The following GLIPR2 variants were observed in gnomAD, a reference collection of about 807,000 sequenced individuals.
The protein encoded by GLIPR2 is Golgi-associated plant pathogenesis-related protein 1.
GLIPR2 carries 21 observed loss-of-function variants against 20.4 expected under a neutral mutation model. The observed-to-expected ratio is 1.03, with a 90% CI of 0.73 to 1.48. The LOEUF (loss-of-function observed/expected upper bound fraction) is 1.48, where lower values mean the gene tolerates loss of function less well. Ranked by LOEUF, GLIPR2 falls within the 40% of genes most tolerant of loss-of-function variation. GLIPR2 has a pLI of 0.00. For missense variants in GLIPR2, 205 were observed against 200.1 expected, an observed-to-expected ratio of 1.02 and a Z score of -0.15; for synonymous variants, 91 against 80.5, an observed-to-expected ratio of 1.13 and a Z score of -0.70.
At chr9:36,137,769 T>G (rs1824891893) in intron 1 of GLIPR2, among the ~76,000 whole-genome samples, 1 of 152,246 alleles carries the variant, frequency 6.6e-6, no homozygotes, top group African/African-American at 2.4e-5. Context: ...TTGAACAGGA[T>G]TCAGAAGTCC....
At chr9:36,141,447 C>CT (rs1825074468) in intron 1 of GLIPR2, among the ~76,000 whole-genome samples, 1 of 71,198 alleles carries the variant, frequency 1.4e-5, no homozygotes, top group Non-Finnish European at 2.9e-5. Context: ...GCTTTCCAGC[C>CT]TTTTGCCAAG....
rs745346896 is a variant in GLIPR2 at position 36,147,913 on chromosome 9, C to T, written c.122+19C>T. The T allele has an allele frequency of 2.4e-5, 28 of 1,148,884 alleles. No homozygotes were observed. The Admixed American group carries it at 4.4e-4, about 18-fold the overall frequency. The allele number at this position is 1,148,884 out of a possible 1,614,324, so 71.2% of individuals were successfully genotyped here. ...CTCAACAGTGAGTCCCCTAGCACAT[C>T]CGGGTAACTTGGCCCTTCATGTGCT... On this transcript the variant is annotated intron_variant, in intron 2 of 4. Coordinates refer to ENST00000377960, the MANE Select transcript of GLIPR2 (RefSeq NM_022343.4).
intron 1 of GLIPR2, among the ~76,000 whole-genome samples, chr9:36,143,042 A>C (rs377145744): frequency 6.6e-6 from 1 of 151,966 alleles, no homozygotes; most frequent in East Asian, 1.9e-4. Context: ...CTGGGCATTG[A>C]GCTTTGCTTG....
At position 36,162,741 on chromosome 9, in the gene GLIPR2, T is replaced by A; in HGVS notation, c.*219T>A. 14 of 504,796 alleles carry A rather than the reference T, an allele frequency of 2.8e-5. No individual in the cohort carries two copies. Among genetic ancestry groups the A allele is most frequent in the East Asian group, 8.6e-5 (2 of 23,320 alleles). The allele number at this position is 504,796 out of a possible 1,614,324, so 31.3% of individuals were successfully genotyped here. ...GGAAGCATTTACCCCGATGGTTACC[T>A]AGACCACGATTATTTGGATTGGGGG... On this transcript the variant is annotated 3_prime_UTR_variant, in exon 5 of 5. Coordinates refer to ENST00000377960, the MANE Select transcript of GLIPR2 (RefSeq NM_022343.4).
chr9:36,141,348 T>C (rs1399456486), intron 1 of GLIPR2, among the ~76,000 whole-genome samples: 1 of 151,930 alleles, frequency 6.6e-6, no homozygotes, highest in African/African-American at 2.4e-5. Flanking sequence ...ATTCATTCTT[T>C]TTTTTTTTTT....
intron 3 of GLIPR2, 110 bp from the exon 4 acceptor site, chr9:36,150,762 A>T: frequency 1.4e-6 from 1 of 735,288 alleles, no homozygotes; most frequent in South Asian, 1.7e-5. Context: ...GGGCTTTCTC[A>T]GATGTCTAAT....
At chr9:36,145,701 G>GGAT (rs1329218323) in intron 1 of GLIPR2, among the ~76,000 whole-genome samples, 4 of 151,898 alleles carry the variant, frequency 2.6e-5, no homozygotes, top group African/African-American at 9.7e-5. Flanking sequence ...TTGGATGGAT[G>GGAT]GATGGAGGAT....
Position 36,162,539 on chromosome 9 carries a change from G to C in GLIPR2, c.*17G>C. ...AAGAAGTAACTTGTTAAATGTAATG[G>C]GAAGGTGGCAGACTTAAGAACGTGG... On this transcript the variant is annotated 3_prime_UTR_variant, in exon 5 of 5. Coordinates refer to ENST00000377960, the MANE Select transcript of GLIPR2 (RefSeq NM_022343.4). 6.2e-7 allele frequency: 1 copy of C among 1,613,614 alleles called. No individual in the cohort carries two copies. Among genetic ancestry groups the C allele is most frequent in the Non-Finnish European group, 8.5e-7 (1 of 1,179,714 alleles).
At chr9:36,160,302 C>T (rs770260280) in intron 4 of GLIPR2, among the ~76,000 whole-genome samples, 3 of 152,140 alleles carry the variant, frequency 2.0e-5, no homozygotes, top group Non-Finnish European at 4.4e-5. Flanking sequence ...GCATTGCAGG[C>T]GTGAGTCACG....
At chr9:36,142,761 G>A (rs1291422449) in intron 1 of GLIPR2, among the ~76,000 whole-genome samples, 1 of 145,794 alleles carries the variant, frequency 6.9e-6, no homozygotes, top group East Asian at 2.0e-4. Context: ...GGGGTAGGGT[G>A]TGCTTCTTGC....
chr9:36,157,321 C>G (rs2132779392), intron 4 of GLIPR2, among the ~76,000 whole-genome samples: 1 of 151,218 alleles, frequency 6.6e-6, no homozygotes, highest in Non-Finnish European at 1.5e-5. Context: ...ATCCACCACA[C>G]CCAGTCTCTT....
chr9:36,144,537 G>T (rs186375985), intron 1 of GLIPR2: 2 of 152,252 alleles, frequency 1.3e-5, no homozygotes, highest in Non-Finnish European at 2.9e-5. Context: ...CGATACTTCA[G>T]GTTGTAGCTC....
rs1404365283 is a variant in GLIPR2, at chr9:36,162,486, C to T, written c.429C>T (p.Gly143=). The T allele has an allele frequency of 1.2e-6, 2 of 1,614,090 alleles. No homozygotes were observed. The highest frequency in any genetic ancestry group is 1.7e-6 in the Non-Finnish European group (2 of 1,180,046). The change falls in exon 5 of 5, where the codon GGC becomes GGT. Residue 143 remains glycine (G), a synonymous_variant. Coordinates refer to ENST00000377960, the MANE Select transcript of GLIPR2 (RefSeq NM_022343.4). ...YFPAGNVVNE[G]FFEENVLPPK... is the part of the protein sequence containing the mutation. Reference sequence around the variant, plus strand: ...CAGCGGGGAATGTTGTCAATGAGGGCTTCTTCGAAGAAAACGTCCTGCCGC... The same window carrying T: ...CAGCGGGGAATGTTGTCAATGAGGGTTTCTTCGAAGAAAACGTCCTGCCGC...
chr9:36,142,609 C>G (rs980178144), intron 1 of GLIPR2, among the ~76,000 whole-genome samples: 2 of 152,138 alleles, frequency 1.3e-5, no homozygotes, highest in Non-Finnish European at 2.9e-5. Flanking sequence ...GTTTACCCTC[C>G]TACAAAATAA....
intron 4 of GLIPR2, among the ~76,000 whole-genome samples, chr9:36,152,848 C>T (rs1330890770): frequency 6.8e-6 from 1 of 148,070 alleles, no homozygotes; most frequent in African/African-American, 2.5e-5. Context: ...GTAGCTCATG[C>T]CTGTCATCCC....
intron 3 of GLIPR2, among the ~76,000 whole-genome samples, chr9:36,150,602 GTA>G (rs2132748027): frequency 6.6e-6 from 1 of 152,336 alleles, no homozygotes; most frequent in South Asian, 2.1e-4. Context: ...AAGTCAGTGT[GTA>G]TGGGTTGTGG....
intron 1 of GLIPR2, among the ~76,000 whole-genome samples, chr9:36,140,326 A>G (rs1196875566): frequency 2.6e-5 from 4 of 152,144 alleles, no homozygotes; most frequent in Non-Finnish European, 5.9e-5. Flanking sequence ...ACTGAGTGGG[A>G]CCCTCAGGCC....
intron 3 of GLIPR2, among the ~76,000 whole-genome samples, chr9:36,149,542 C>T (rs909774099): frequency 6.6e-6 from 1 of 152,222 alleles, no homozygotes; most frequent in Non-Finnish European, 1.5e-5. Flanking sequence ...CTCGATGGGC[C>T]CCGGGAGAAG....
rs561775899 is a variant in GLIPR2, at chr9:36,152,579, G to A, written c.304+1630G>A. ...AGCCCGGCCAACATGGTGAAACCCC[G>A]TCTCTACTAAAAATACAAAAATTAG... is the stretch of plus-strand genomic sequence containing the variant. On this transcript the variant is annotated intron_variant, in intron 4 of 4. Transcript: ENST00000377960. Among the ~76,000 whole-genome samples, 26 of 151,570 alleles carry A rather than the reference G, an allele frequency of 1.7e-4. 1 individual carries two copies. The highest frequency in any genetic ancestry group is 5.3e-4 in the Admixed American group (8 of 15,206).
Sources: allele counts gnomAD v4.1 joint callset (sites outside exome capture counted in the v4.1 genomes callset), GRCh38; gene constraint gnomAD v4.1.1; transcripts MANE v1.5; gene names NCBI Gene and HGNC (gene_info 2026-07-23, HGNC 2026-07-21).